The following PKD1L1 variants were observed in gnomAD, a reference collection of about 807,000 sequenced individuals.
PKD1L1 encodes the protein polycystin 1 like 1, transient receptor potential channel interacting, also known as polycystin-1-like protein 1.
PKD1L1 carries 236 observed loss-of-function variants against 323.4 expected under a neutral mutation model. That is an observed-to-expected ratio of 0.73 (90% confidence interval 0.66 to 0.81). The LOEUF is 0.81. Ranked by LOEUF, PKD1L1 falls within the 40% of genes least tolerant of loss-of-function variation. The probability of loss-of-function intolerance (pLI) is 0.00; values close to 1 mark genes in which losing one functional copy is unlikely to be tolerated. For synonymous variants in PKD1L1, 1,344 were observed against 1,335.0 expected, an observed-to-expected ratio of 1.01 and a Z score of -0.15; for missense variants, 3,320 against 3,508.0, an observed-to-expected ratio of 0.95 and a Z score of 1.35.
chr7:47,954,581 A>G, the PKD1L1 span, among the ~76,000 whole-genome samples: 1 of 149,936 alleles, frequency 6.7e-6, no homozygotes, highest in African/African-American at 2.4e-5. Flanking sequence ...CTTACTTTGG[A>G]CACCCCAGCC....
At chr7:47,838,817 G>A (rs1233471555) in intron 36 of PKD1L1, among the ~76,000 whole-genome samples, 1 of 140,354 alleles carries the variant, frequency 7.1e-6, no homozygotes, top group Non-Finnish European at 1.5e-5. Context: ...GGCAGAGGTT[G>A]CAGTGAGTCG....
intron 56 of PKD1L1, among the ~76,000 whole-genome samples, chr7:47,779,320 T>C (rs1423569412): frequency 1.3e-5 from 2 of 152,172 alleles, no homozygotes; most frequent in African/African-American, 4.8e-5. Context: ...GCAGACTCAG[T>C]TTCCTTTGTC....
At chr7:47,902,211 T>C (rs1365931757) in intron 13 of PKD1L1, among the ~76,000 whole-genome samples, 168 bp downstream of exon 13, 1 of 152,146 alleles carries the variant, frequency 6.6e-6, no homozygotes, top group South Asian at 2.1e-4. Flanking sequence ...AGGACCCAGG[T>C]CACCCGCTCT....
Position 47,882,017 on chromosome 7 carries a change from T to C in PKD1L1, c.3334A>G (p.Asn1112Asp), listed in dbSNP as rs1786566054. The C allele has an allele frequency of 1.2e-6, 2 of 1,614,114 alleles. No individual in the cohort carries two copies. Among genetic ancestry groups the C allele is most frequent in the Non-Finnish European group, 1.7e-6 (2 of 1,180,012 alleles). The change falls in exon 20 of 57, where the codon AAC (asparagine) becomes GAC (aspartate). Residue 1112 changes from asparagine (N) to aspartate (D), a missense_variant. Transcript: ENST00000289672. ...GCAGACAGGGAGGGGTCCACCAGGT[T>C]ATCCCCATCTCCAGGGCTCTCCTCG... ...SAEESPGDGD[N>D]LVDPSLSAGR...
chr7:47,859,906 G>A (rs1785989508), intron 26 of PKD1L1, among the ~76,000 whole-genome samples: 1 of 152,104 alleles, frequency 6.6e-6, no homozygotes, highest in Admixed American at 6.5e-5. Flanking sequence ...GGGAGTACAG[G>A]TGTGAGCCAC....
intron 15 of PKD1L1, among the ~76,000 whole-genome samples, chr7:47,891,471 G>A (rs1309229221): frequency 6.6e-6 from 1 of 152,192 alleles, no homozygotes; most frequent in Non-Finnish European, 1.5e-5. Flanking sequence ...GGCTAGGAAG[G>A]CCTGGCCCCA....
At chr7:47,847,506 A>G (rs1158685262) in intron 31 of PKD1L1, among the ~76,000 whole-genome samples, 1 of 152,154 alleles carries the variant, frequency 6.6e-6, no homozygotes, top group African/African-American at 2.4e-5. Context: ...GTCTAAACCC[A>G]TTCTGGTAAG....
At chr7:47,779,679 T>C (rs548265496) in intron 56 of PKD1L1, among the ~76,000 whole-genome samples, 13 of 152,140 alleles carry the variant, frequency 8.5e-5, no homozygotes, top group Admixed American at 8.5e-4. Context: ...CCACCCCTAT[T>C]TGGGTTTTGG....
intron 53 of PKD1L1, among the ~76,000 whole-genome samples, chr7:47,801,245 TC>T (rs1784655939): frequency 1.3e-5 from 2 of 152,076 alleles, no homozygotes. Context: ...AGGGGGCAGC[TC>T]CCTCATGATC....
At position 47,821,137 on chromosome 7, in the gene PKD1L1, A is replaced by G. The variant is rs138379908; in HGVS notation, c.6904T>C (p.Tyr2302His). The change falls in exon 46 of 57, where the codon TAT (tyrosine) becomes CAT (histidine). Residue 2302 changes from tyrosine (Y) to histidine (H), a missense_variant. Tyr to His is a moderately conservative substitution (Grantham distance 83, BLOSUM62 2). Coordinates refer to ENST00000289672, the MANE Select transcript of PKD1L1 (RefSeq NM_138295.5). Reference sequence around the variant, plus strand: ...TATTCATCTTGGGAAAATCTCCCATATATTACACACAAAAGCAGAAGCAGC... The same window carrying G: ...TATTCATCTTGGGAAAATCTCCCATGTATTACACACAAAAGCAGAAGCAGC... ...LMLLLLLCVI[Y>H]GRFSQDEYSL... is the part of the protein sequence containing the mutation. The G allele has an allele frequency of 1.2e-6, 2 of 1,611,098 alleles. No individual in the cohort carries two copies. Among genetic ancestry groups the G allele is most frequent in the Non-Finnish European group, 1.7e-6 (2 of 1,177,218 alleles).
At chr7:47,832,137 G>T (rs1386037074) in intron 41 of PKD1L1, among the ~76,000 whole-genome samples, 2 of 152,218 alleles carry the variant, frequency 1.3e-5, no homozygotes, top group African/African-American at 4.8e-5. Flanking sequence ...CTGGTATTAG[G>T]CAAACCGAGG....
At chr7:47,930,459 C>T (rs751127306) in intron 6 of PKD1L1, among the ~76,000 whole-genome samples, 7 of 151,612 alleles carry the variant, frequency 4.6e-5, no homozygotes, top group East Asian at 1.9e-4. Flanking sequence ...GACCCAAGAT[C>T]GCGCCACTGC....
chr7:47,941,380 G>A (rs969732819), intron 2 of PKD1L1, among the ~76,000 whole-genome samples: 2 of 152,200 alleles, frequency 1.3e-5, no homozygotes, highest in East Asian at 3.8e-4. Context: ...TCCTCACAGG[G>A]GATGTGGCTT....
chr7:47,936,403 T>G (rs1787867909), intron 4 of PKD1L1, among the ~76,000 whole-genome samples: 1 of 152,334 alleles, frequency 6.6e-6, no homozygotes, highest in Middle Eastern at 3.4e-3. Context: ...GGACCTCGCA[T>G]AAGTAGAATT....
chr7:47,915,845 C>T (rs1327805137), intron 7 of PKD1L1, among the ~76,000 whole-genome samples: 1 of 151,718 alleles, frequency 6.6e-6, no homozygotes, highest in African/African-American at 2.4e-5. Flanking sequence ...ATGTTAAAAC[C>T]TAGATTAAAT....
intron 54 of PKD1L1, among the ~76,000 whole-genome samples, chr7:47,797,418 C>T (rs957519335): frequency 1.3e-5 from 2 of 152,194 alleles, no homozygotes; most frequent in South Asian, 2.1e-4. Context: ...CCAAATCCCT[C>T]GAACCCCTCA....
Position 47,921,674 on chromosome 7 carries a change from G to GAT in PKD1L1, c.1061-6077_1061-6076dup, listed in dbSNP as rs34123411. Among the ~76,000 whole-genome samples, 127 of 138,842 alleles carry GAT rather than the reference G, an allele frequency of 9.1e-4. No homozygotes were observed. The South Asian group carries it at 0.011, about 12-fold the overall frequency. The allele number at this position is 138,842 out of a possible 152,430, so 91.1% of individuals were successfully genotyped here. On this transcript the variant is annotated intron_variant, in intron 7 of 56. Coordinates refer to ENST00000289672, the MANE Select transcript of PKD1L1 (RefSeq NM_138295.5). The stretch of plus-strand genomic sequence containing the variant: ...ATCAATGAGTGGATAAAGAAACTGT[G>GAT]ATATATATATATATATAATGAGATA...
chr7:47,862,891 C>A (rs1015180019), intron 26 of PKD1L1, among the ~76,000 whole-genome samples: 7 of 152,258 alleles, frequency 4.6e-5, no homozygotes, highest in Non-Finnish European at 1.0e-4. Flanking sequence ...ACGGGGAGTG[C>A]TGAGCAGGAG....
chr7:47,815,854 GAA>G (rs57176785), intron 46 of PKD1L1, among the ~76,000 whole-genome samples: 13 of 150,004 alleles, frequency 8.7e-5, no homozygotes, highest in African/African-American at 2.7e-4. Context: ...TATGAAGGAG[GAA>G]AAAAAAAAAG....
Sources: allele counts gnomAD v4.1 joint callset (sites outside exome capture counted in the v4.1 genomes callset), GRCh38; gene constraint gnomAD v4.1.1; transcripts MANE v1.5; gene names NCBI Gene and HGNC (gene_info 2026-07-23, HGNC 2026-07-21).